Variants in TMC1 observed in about 807,000 individuals in gnomAD.
TMC1 encodes the protein transmembrane channel like 1.
A neutral mutation model predicts 105.8 loss-of-function variants in TMC1; 84 were observed. The ratio of observed to expected loss-of-function variants is 0.79; its 90% CI spans 0.67 to 0.95. The LOEUF (loss-of-function observed/expected upper bound fraction) is 0.95. Among genes scored for constraint, TMC1 ranks in the 40% least tolerant of loss-of-function variants. The pLI, the probability that TMC1 is intolerant of heterozygous loss-of-function variation, is 0.00. For synonymous variants in TMC1, 315 were observed against 311.5 expected (o/e 1.01, Z -0.12); for missense variants, 817 against 914.1 (o/e 0.89, Z 1.37).
At chr9:72,827,633 G>C (rs1828977101) in intron 21 of TMC1, among the ~76,000 whole-genome samples, 1 of 152,120 alleles carries the variant, frequency 6.6e-6, no homozygotes, top group Non-Finnish European at 1.5e-5. Context: ...AACTTTCATT[G>C]GCTTCTGACT....
At chr9:72,806,355 C>T (rs1472193052) in intron 18 of TMC1, among the ~76,000 whole-genome samples, 1 of 142,216 alleles carries the variant, frequency 7.0e-6, no homozygotes, top group African/African-American at 2.7e-5. Flanking sequence ...GGGGGCTGAC[C>T]CCCCCACCTC....
intron 4 of TMC1, among the ~76,000 whole-genome samples, chr9:72,640,422 A>G (rs1485203217): frequency 1.3e-5 from 2 of 152,148 alleles, no homozygotes; most frequent in African/African-American, 4.8e-5. Flanking sequence ...AGGCATCATC[A>G]TGGGGGTGAG....
At chr9:72,577,372 G>A (rs1192309103) in intron 1 of TMC1, among the ~76,000 whole-genome samples, 1 of 152,214 alleles carries the variant, frequency 6.6e-6, no homozygotes, top group Non-Finnish European at 1.5e-5. Context: ...ACACAGGGAC[G>A]GGTGGAGCAA....
chr9:72,522,334 C>T lies in TMC1; in HGVS notation c.-428+421C>T, dbSNP rs377321625. Among the ~76,000 whole-genome samples, 6 of 152,126 alleles carry T rather than the reference C, an allele frequency of 3.9e-5. No individual in the cohort carries two copies. In the East Asian group the frequency reaches 5.8e-4, roughly 15 times the overall value. ...GCCAGGATGGTCTCGATTTCCTGAC[C>T]TCGTGATCCGCCCGCCTCAGCCTCC... is the stretch of plus-strand genomic sequence containing the variant. On this transcript the variant is annotated intron_variant, in intron 1 of 23. Transcript: ENST00000297784.
At chr9:72,674,065 G>A (rs1474303528) in intron 5 of TMC1, among the ~76,000 whole-genome samples, 2 of 152,210 alleles carry the variant, frequency 1.3e-5, no homozygotes, top group African/African-American at 4.8e-5. Flanking sequence ...AAGTACTTAG[G>A]AACAAACCTG....
intron 1 of TMC1, among the ~76,000 whole-genome samples, chr9:72,525,280 G>A (rs1409186279): frequency 6.6e-6 from 1 of 152,132 alleles, no homozygotes; most frequent in Non-Finnish European, 1.5e-5. Flanking sequence ...TTGTAAGTAG[G>A]ACAGGAGGGC....
At chr9:72,799,781 A>G (rs975799680) in intron 17 of TMC1, among the ~76,000 whole-genome samples, 4 of 152,190 alleles carry the variant, frequency 2.6e-5, no homozygotes, top group African/African-American at 9.7e-5. Context: ...CTCTGGAACG[A>G]TAAATATGTT....
chr9:72,555,031 A>T (rs905575635), intron 1 of TMC1, among the ~76,000 whole-genome samples: 1 of 151,574 alleles, frequency 6.6e-6, no homozygotes. Flanking sequence ...GGCATGTGCC[A>T]CCATGCCTGG....
chr9:72,663,813 AAC>A (rs1218295170), intron 5 of TMC1, among the ~76,000 whole-genome samples: 1 of 152,110 alleles, frequency 6.6e-6, no homozygotes, highest in Non-Finnish European at 1.5e-5. Context: ...AACAGCATAA[AAC>A]ACACTTTGTA....
chr9:72,791,821 C>T, intron 15 of TMC1, 65 bp from the exon 16 acceptor site: 2 of 1,430,774 alleles, frequency 1.4e-6, no homozygotes, highest in Non-Finnish European at 2.0e-6. Context: ...TTCCAAAATT[C>T]TGGCAAAAAG....
chr9:72,784,826 A>T (rs889059956), intron 13 of TMC1, among the ~76,000 whole-genome samples: 1 of 152,240 alleles, frequency 6.6e-6, no homozygotes, highest in Non-Finnish European at 1.5e-5. Context: ...TCCTAAGTGA[A>T]TTAATGCAGG....
At chr9:72,792,418 A>T in intron 17 of TMC1, 66 bp downstream of exon 17, 3 of 1,582,284 alleles carry the variant, frequency 1.9e-6, no homozygotes, top group Non-Finnish European at 2.6e-6. Flanking sequence ...TATCTCTTCC[A>T]TAAGATTGGC....
At chr9:72,549,997 C>T (rs552213726) in intron 1 of TMC1, among the ~76,000 whole-genome samples, 1 of 151,964 alleles carries the variant, frequency 6.6e-6, no homozygotes, top group East Asian at 2.0e-4. Context: ...ATCCACCTAC[C>T]TCGGCTTCCC....
At chr9:72,689,527 G>T (rs1031070461) in intron 6 of TMC1, among the ~76,000 whole-genome samples, 4 of 135,710 alleles carry the variant, frequency 2.9e-5, no homozygotes, top group Non-Finnish European at 6.3e-5. Flanking sequence ...ATCCATTATG[G>T]AATGTAATGT....
chr9:72,535,859 T>A (rs987521380), intron 1 of TMC1, among the ~76,000 whole-genome samples: 1 of 152,126 alleles, frequency 6.6e-6, no homozygotes, highest in Non-Finnish European at 1.5e-5. Context: ...CCACTTCTCA[T>A]GGGAACTAAT....
intron 8 of TMC1, among the ~76,000 whole-genome samples, chr9:72,720,442 C>G (rs564841182): frequency 7.9e-5 from 12 of 152,288 alleles, no homozygotes; most frequent in African/African-American, 2.6e-4. Context: ...GCAACAGGAC[C>G]ACACTTCTGT....
At chr9:72,644,424 T>G (rs1344002039) in intron 4 of TMC1, among the ~76,000 whole-genome samples, 1 of 152,162 alleles carries the variant, frequency 6.6e-6, no homozygotes, top group African/African-American at 2.4e-5. Context: ...CATTTTGAGT[T>G]AATTTTTGTA....
chr9:72,769,037 G>T (rs111356961), intron 12 of TMC1, among the ~76,000 whole-genome samples: 2 of 152,280 alleles, frequency 1.3e-5, no homozygotes, highest in African/African-American at 4.8e-5. Context: ...TATGGCACTA[G>T]CATGATATAA....
At chr9:72,566,733 G>A (rs1824161927) in intron 1 of TMC1, among the ~76,000 whole-genome samples, 1 of 152,144 alleles carries the variant, frequency 6.6e-6, no homozygotes, top group South Asian at 2.1e-4. Context: ...TCCTACCCTT[G>A]TGGACTCTGC....
Sources: allele counts gnomAD v4.1 joint callset (sites outside exome capture counted in the v4.1 genomes callset), GRCh38; gene constraint gnomAD v4.1.1; transcripts MANE v1.5; gene names NCBI Gene and HGNC (gene_info 2026-07-23, HGNC 2026-07-21).